SLC25A46: variants seen among roughly 807,000 people sequenced by gnomAD.
SLC25A46 encodes solute carrier family 25 member 46, also known as mitochondrial outer membrane protein SLC25A46.
In SLC25A46, 39 loss-of-function variants were observed where a neutral mutation model predicts 44.6. The ratio of observed to expected loss-of-function variants is 0.87; its 90% CI spans 0.68 to 1.14. SLC25A46 has a LOEUF of 1.14. SLC25A46 is among the 50% of genes most tolerant of loss of function. SLC25A46 has a pLI of 0.00. For missense variants in SLC25A46, 547 were observed against 522.7 expected, an observed-to-expected ratio of 1.05 and a Z score of -0.45; for synonymous variants, 202 against 185.8, an observed-to-expected ratio of 1.09 and a Z score of -0.71.
At chr5:110,743,408 G>T (rs112567507) in intron 2 of SLC25A46, among the ~76,000 whole-genome samples, 17 of 152,150 alleles carry the variant, frequency 1.1e-4, no homozygotes, top group African/African-American at 4.1e-4. Flanking sequence ...CCATTTAATT[G>T]ATGTGCCATT....
Position 110,746,339 on chromosome 5 carries a change from A to G in SLC25A46, c.455A>G (p.Lys152Arg), listed in dbSNP as rs1799819185. ...ATCAATATTATGTACAGTTTCAACA[A>G]AACTCAGGTGAGAATTTTGTCTGGA... ...TVINIMYSFN[K>R]TQGPRALWKG... The change falls in exon 4 of 8, where the codon AAA becomes AGA. Residue 152 changes from lysine to arginine, a missense_variant. Transcript: ENST00000355943. The G allele has an allele frequency of 2.5e-6, 4 of 1,583,714 alleles. No individual in the cohort carries two copies. The highest frequency in any genetic ancestry group is 3.4e-6 in the Non-Finnish European group (4 of 1,168,892).
intron 5 of SLC25A46, among the ~76,000 whole-genome samples, chr5:110,750,479 C>T (rs1263229232): frequency 1.3e-5 from 2 of 151,946 alleles, no homozygotes; most frequent in Non-Finnish European, 2.9e-5. Context: ...ATTCCAGGAC[C>T]CCCAGTGGAT....
chr5:110,738,700 G>C (rs1278736825), upstream of SLC25A46: 2 of 235,314 alleles, frequency 8.5e-6, no homozygotes, highest in Non-Finnish European at 1.7e-5. Context: ...GTGACATGGG[G>C]TATTTCTGGC....
chr5:110,750,604 A>C (rs1799943352), intron 5 of SLC25A46, among the ~76,000 whole-genome samples: 1 of 152,204 alleles, frequency 6.6e-6, no homozygotes, highest in Non-Finnish European at 1.5e-5. Context: ...GTAATACCAA[A>C]TACAATGTAA....
chr5:110,740,654 C>T (rs1178233218), intron 1 of SLC25A46, among the ~76,000 whole-genome samples: 1 of 152,114 alleles, frequency 6.6e-6, no homozygotes, highest in African/African-American at 2.4e-5. Context: ...ATGATCTATA[C>T]ATACAAAATG....
At chr5:110,743,067 C>T (rs995816911) in intron 2 of SLC25A46, among the ~76,000 whole-genome samples, 2 of 151,898 alleles carry the variant, frequency 1.3e-5, no homozygotes, top group African/African-American at 4.8e-5. Flanking sequence ...ATACTTAAAG[C>T]TTTGATTCAT....
At chr5:110,746,388 G>A (rs1429869973) in intron 4 of SLC25A46, 42 bp downstream of exon 4, 6 of 1,341,992 alleles carry the variant, frequency 4.5e-6, no homozygotes, top group Non-Finnish European at 6.2e-6. Context: ...TTATATAAGT[G>A]TCATTTGGGT....
chr5:110,744,793 G>A (rs968221191), intron 3 of SLC25A46, among the ~76,000 whole-genome samples: 1 of 152,140 alleles, frequency 6.6e-6, no homozygotes, highest in African/African-American at 2.4e-5. Context: ...TAAAAATGAT[G>A]TTCCGTGAAA....
At chr5:110,757,044 A>C (rs1800134816) in intron 7 of SLC25A46, 2 of 249,442 alleles carry the variant, frequency 8.0e-6, no homozygotes, top group Non-Finnish European at 1.5e-5. Flanking sequence ...AAAACAAAGA[A>C]TCTATAAACT....
chr5:110,744,654 C>T (rs757532508), intron 3 of SLC25A46, among the ~76,000 whole-genome samples: 1 of 152,174 alleles, frequency 6.6e-6, no homozygotes, highest in East Asian at 1.9e-4. Flanking sequence ...GTTGAAAATT[C>T]AAACTTATCA....
upstream of SLC25A46, chr5:110,738,893 G>A (rs1391858000): frequency 1.4e-5 from 16 of 1,150,936 alleles, no homozygotes; most frequent in South Asian, 5.0e-5. Flanking sequence ...AAACTTTTAA[G>A]GTCCAGGTTA....
At chr5:110,752,076 G>C (rs1283341500) in intron 5 of SLC25A46, among the ~76,000 whole-genome samples, 1 of 152,104 alleles carries the variant, frequency 6.6e-6, no homozygotes, top group Non-Finnish European at 1.5e-5. Flanking sequence ...GATGAGCTCT[G>C]AGGTCTCCTA....
At chr5:110,754,223 G>GTAGCCA (rs1259087529) in intron 5 of SLC25A46, 11 of 151,356 alleles carry the variant, frequency 7.3e-5, no homozygotes, top group Non-Finnish European at 1.3e-4. Flanking sequence ...GATTCCTGCT[G>GTAGCCA]TAGCCATAGC....
chr5:110,749,108 T>C (rs893490855), intron 5 of SLC25A46, among the ~76,000 whole-genome samples: 3 of 152,118 alleles, frequency 2.0e-5, no homozygotes, highest in Admixed American at 6.6e-5. Context: ...ATGGTCATTA[T>C]GTTAGCTTGG....
rs368385496 is a variant in SLC25A46, at chr5:110,748,204, T to A, written c.504T>A (p.Ile168=). The part of the protein sequence containing the change: ...ALWKGMGSTF[I]VQGVTLGAEG... The stretch of plus-strand genomic sequence containing the variant: ...GGAAAGGAATGGGAAGTACATTTAT[T>A]GTCCAGGGAGTCACACTTGGAGCAG... Residue 168 remains isoleucine, a synonymous_variant, in exon 5 of 8, where the codon ATT becomes ATA. Coordinates refer to ENST00000355943, the MANE Select transcript of SLC25A46 (RefSeq NM_138773.4). The A allele has an allele frequency of 3.7e-6, 6 of 1,613,548 alleles. No homozygotes were observed. In the African/African-American group the frequency reaches 4.0e-5, roughly 11 times the overall value.
intron 5 of SLC25A46, among the ~76,000 whole-genome samples, chr5:110,749,211 A>C (rs993568849): frequency 6.6e-6 from 1 of 152,038 alleles, no homozygotes; most frequent in African/African-American, 2.4e-5. Flanking sequence ...AGAAGAAGAA[A>C]AAGTTGGAGT....
chr5:110,756,638 A>T (rs1800119714), intron 6 of SLC25A46, 64 bp from the exon 7 acceptor site: 11 of 1,088,730 alleles, frequency 1.0e-5, no homozygotes, highest in South Asian at 1.5e-5. Flanking sequence ...TAAAGCAGAT[A>T]TTAAAAAATT....
At position 110,761,163 on chromosome 5, in the gene SLC25A46, G is replaced by A. The variant is rs2150418927; in HGVS notation, c.679-41G>A. 1 of 1,484,428 alleles carries A rather than the reference G, an allele frequency of 6.7e-7. No homozygotes were observed. The highest frequency in any genetic ancestry group is 1.4e-5 in the African/African-American group (1 of 70,750). 92.0% of individuals were successfully genotyped at this position (1,484,428 alleles called of 1,614,324 possible). ...GAGTCCTTTTTCTGTGGCAAAATAA[G>A]CAAATGTTAAGTTTTACTTATTTCA... On this transcript the variant is annotated intron_variant, in intron 7 of 7. Transcript: ENST00000355943. This position sits in a 1 kb window ranked among gnomAD's most constrained non-coding sequence, Gnocchi z 5.3.
intron 1 of SLC25A46, 87 bp from the exon 2 acceptor site, chr5:110,741,960 T>G: frequency 1.1e-6 from 1 of 917,126 alleles, no homozygotes; most frequent in Non-Finnish European, 1.7e-6. Flanking sequence ...AATAAATTTT[T>G]TAAAATTGTT....
Sources: allele counts gnomAD v4.1 joint callset (sites outside exome capture counted in the v4.1 genomes callset), GRCh38; gene constraint gnomAD v4.1.1; non-coding constraint Gnocchi (gnomAD v3.1); transcripts MANE v1.5; gene names NCBI Gene and HGNC (gene_info 2026-07-23, HGNC 2026-07-21).